Variants in LRRC4C observed in about 807,000 individuals in gnomAD.
LRRC4C encodes leucine rich repeat containing 4C.
LRRC4C carries 5 observed loss-of-function variants against 33.6 expected under a neutral mutation model. The observed-to-expected ratio is 0.15, with a 90% CI of 0.08 to 0.31. The LOEUF (loss-of-function observed/expected upper bound fraction) is 0.31, where lower values mean the gene tolerates loss of function less well. LRRC4C is among the 10% of genes least tolerant of loss of function. LRRC4C has a pLI of 1.00. For missense variants in LRRC4C, 560 were observed against 796.7 expected, an observed-to-expected ratio of 0.70 and a Z score of 3.58; for synonymous variants, 329 against 302.0, an observed-to-expected ratio of 1.09 and a Z score of -0.93.
chr11:41,442,476 T>C (rs1489436144), intron 1 of LRRC4C, among the ~76,000 whole-genome samples: 6 of 134,394 alleles, frequency 4.5e-5, no homozygotes, highest in African/African-American at 1.7e-4. Context: ...TTTTTTTTTT[T>C]TTTTTTTTTT....
chr11:40,286,275 T>TA (rs1288251383), intron 4 of LRRC4C, among the ~76,000 whole-genome samples: 1 of 152,154 alleles, frequency 6.6e-6, no homozygotes, highest in East Asian at 1.9e-4. Flanking sequence ...CTCTTTCTCT[T>TA]AAAATCTCTG....
rs770833961 is a variant in LRRC4C, at chr11:40,114,793, C to T, written c.1500G>A (p.Ser500=). Residue 500 remains serine (S), a synonymous_variant, in exon 7 of 7, where the codon TCG becomes TCA. Coordinates refer to ENST00000528697, the MANE Select transcript of LRRC4C (RefSeq NM_001258419.2). ...TTSLTPQSTR[S]TEKTFTIPVT... ...CTGGGATGGTGAAGGTTTTCTCTGTCGACCTTGTGCTCTGTGGTGTGAGAG... is the reference window on the plus strand; with the variant it reads ...CTGGGATGGTGAAGGTTTTCTCTGTTGACCTTGTGCTCTGTGGTGTGAGAG... 8 of 1,614,006 alleles carry T rather than the reference C, an allele frequency of 5.0e-6. No individual in the cohort carries two copies. The Admixed American group carries it at 6.7e-5, about 13-fold the overall frequency.
chr11:40,829,752 A>G (rs1037652445), intron 2 of LRRC4C, among the ~76,000 whole-genome samples: 4 of 152,026 alleles, frequency 2.6e-5, no homozygotes, highest in African/African-American at 9.7e-5. Flanking sequence ...AAACCCATAT[A>G]TTGATATTGA....
At chr11:40,449,220 C>T (rs1452289801) in intron 3 of LRRC4C, among the ~76,000 whole-genome samples, 1 of 151,886 alleles carries the variant, frequency 6.6e-6, no homozygotes, top group Non-Finnish European at 1.5e-5. Context: ...GTTTCTTTTG[C>T]TGTGCAGAAG....
At chr11:40,454,273 G>GA (rs1952030789) in intron 3 of LRRC4C, among the ~76,000 whole-genome samples, 1 of 151,492 alleles carries the variant, frequency 6.6e-6, no homozygotes, top group Non-Finnish European at 1.5e-5. Context: ...TATGATTTCA[G>GA]AAAAGATTGA....
chr11:41,035,281 C>A (rs1026292757), intron 1 of LRRC4C, among the ~76,000 whole-genome samples: 2 of 151,836 alleles, frequency 1.3e-5, no homozygotes, highest in Non-Finnish European at 2.9e-5. Flanking sequence ...CATAGGTAAA[C>A]ATGTGCCATG....
intron 1 of LRRC4C, among the ~76,000 whole-genome samples, chr11:40,971,828 C>A (rs903974462): frequency 6.6e-6 from 1 of 152,142 alleles, no homozygotes; most frequent in Non-Finnish European, 1.5e-5. Context: ...ACCAGTATGT[C>A]CTGGATGTCA....
At chr11:40,243,197 T>C (rs995689170) in intron 4 of LRRC4C, among the ~76,000 whole-genome samples, 3 of 152,314 alleles carry the variant, frequency 2.0e-5, no homozygotes, top group Non-Finnish European at 4.4e-5. Context: ...GTTTTATGTG[T>C]TCAAATTGGT....
chr11:40,742,603 C>T (rs1948210888), intron 2 of LRRC4C, among the ~76,000 whole-genome samples: 1 of 151,984 alleles, frequency 6.6e-6, no homozygotes, highest in Non-Finnish European at 1.5e-5. Flanking sequence ...GATCATTTGC[C>T]ATTATATGTG....
At chr11:41,045,727 T>G (rs1161089988) in intron 1 of LRRC4C, among the ~76,000 whole-genome samples, 1 of 152,128 alleles carries the variant, frequency 6.6e-6, no homozygotes, top group Admixed American at 6.6e-5. Context: ...CTATTATTAT[T>G]GTAGGGTACT....
At chr11:40,422,940 TTTAAA>T (rs139943232) in intron 3 of LRRC4C, among the ~76,000 whole-genome samples, 4,006 of 152,172 alleles carry the variant, frequency 0.026, 167 homozygotes, top group African/African-American at 0.091. Context: ...ATTAAATAAA[TTTAAA>T]TTAAATAAAT....
At chr11:40,731,954 A>G (rs1947605659) in intron 2 of LRRC4C, among the ~76,000 whole-genome samples, 1 of 152,116 alleles carries the variant, frequency 6.6e-6, no homozygotes, top group Admixed American at 6.5e-5. Context: ...AGATGTTTGC[A>G]TGGACCTTTT....
chr11:40,425,021 C>G (rs1307168893), intron 3 of LRRC4C, among the ~76,000 whole-genome samples: 1 of 152,070 alleles, frequency 6.6e-6, no homozygotes, highest in Non-Finnish European at 1.5e-5. Context: ...GAGAGAAGTA[C>G]AGAATTCATT....
At chr11:40,657,610 C>T (rs1223900548) in intron 2 of LRRC4C, among the ~76,000 whole-genome samples, 1 of 152,206 alleles carries the variant, frequency 6.6e-6, no homozygotes, top group African/African-American at 2.4e-5. Context: ...ACCTGGAAGG[C>T]CTCTCCCAGA....
rs80162364 is a variant in LRRC4C at position 40,785,243 on chromosome 11, G to A, written c.-406-136965C>T. ...TCTGCTAATGTCAGGCGAGATTTAT[G>A]AGTAATAACAAAAACTGGGTGTGTA... is the stretch of plus-strand genomic sequence containing the variant. On this transcript the variant is annotated intron_variant, in intron 2 of 6. Transcript: ENST00000528697. Among the ~76,000 whole-genome samples, 1,293 of 152,216 alleles carry A rather than the reference G, an allele frequency of 8.5e-3. 25 individuals carry two copies. Among genetic ancestry groups the A allele is most frequent in the African/African-American group, 0.029 (1,220 of 41,528 alleles).
At chr11:40,135,709 A>G (rs1856923299) in intron 6 of LRRC4C, among the ~76,000 whole-genome samples, 1 of 152,208 alleles carries the variant, frequency 6.6e-6, no homozygotes, top group Non-Finnish European at 1.5e-5. Context: ...TTTTAAAAGA[A>G]TAATCTGAAA....
chr11:40,355,640 G>C (rs1947621872), intron 3 of LRRC4C, among the ~76,000 whole-genome samples: 1 of 152,088 alleles, frequency 6.6e-6, no homozygotes, highest in Admixed American at 6.5e-5. Context: ...ACAATGCACT[G>C]TCCCTCCCGC....
intron 1 of LRRC4C, among the ~76,000 whole-genome samples, chr11:41,333,425 G>T (rs181856907): frequency 2.3e-3 from 347 of 152,204 alleles, no homozygotes; most frequent in African/African-American, 8.0e-3. Context: ...TTACATATTT[G>T]CGTATTTTAG....
At chr11:41,277,697 T>C (rs1415097321) in intron 1 of LRRC4C, among the ~76,000 whole-genome samples, 2 of 152,142 alleles carry the variant, frequency 1.3e-5, no homozygotes, top group African/African-American at 4.8e-5. Flanking sequence ...AATTTATCTA[T>C]AATGTTACAC....
Sources: allele counts gnomAD v4.1 joint callset (sites outside exome capture counted in the v4.1 genomes callset), GRCh38; gene constraint gnomAD v4.1.1; transcripts MANE v1.5; gene names NCBI Gene and HGNC (gene_info 2026-07-23, HGNC 2026-07-21).